Variants in GABRB1 observed in about 807,000 individuals in gnomAD.
GABRB1 encodes the protein gamma-aminobutyric acid receptor subunit beta-1.
Under a neutral mutation model 51.6 loss-of-function variants are expected in GABRB1, and 17 were observed. The ratio of observed to expected loss-of-function variants is 0.33; its 90% CI spans 0.23 to 0.49. The LOEUF (loss-of-function observed/expected upper bound fraction) is 0.49. Among genes scored for constraint, GABRB1 ranks in the 20% least tolerant of loss-of-function variants. GABRB1 has a pLI of 0.99. For missense variants in GABRB1, 410 were observed against 600.6 expected (o/e 0.68, Z 3.32); for synonymous variants, 247 against 218.9 (o/e 1.13, Z -1.14).
At chr4:47,070,967 CAT>C (rs1560520458) in intron 3 of GABRB1, among the ~76,000 whole-genome samples, 1 of 152,174 alleles carries the variant, frequency 6.6e-6, no homozygotes, top group Non-Finnish European at 1.5e-5. Flanking sequence ...TCAAATTTAA[CAT>C]ATCCAAACAA....
At chr4:47,368,310 A>G (rs750046489) in intron 5 of GABRB1, among the ~76,000 whole-genome samples, 14 of 152,232 alleles carry the variant, frequency 9.2e-5, no homozygotes, top group Non-Finnish European at 1.6e-4. Flanking sequence ...TCTACTCCCC[A>G]ACACCCATGG....
At chr4:47,312,122 A>G (rs1284143540) in intron 4 of GABRB1, among the ~76,000 whole-genome samples, 1 of 151,984 alleles carries the variant, frequency 6.6e-6, no homozygotes, top group Non-Finnish European at 1.5e-5. Flanking sequence ...TTGAGTAAAT[A>G]CAGAAAATGT....
intron 5 of GABRB1, among the ~76,000 whole-genome samples, chr4:47,387,245 T>A (rs1006869818): frequency 6.6e-6 from 1 of 152,184 alleles, no homozygotes; most frequent in Non-Finnish European, 1.5e-5. Flanking sequence ...GTGGATCACC[T>A]GAGGTCAGAA....
At chr4:47,027,125 G>A (rs1253323868), upstream of GABRB1, among the ~76,000 whole-genome samples, 8 of 151,618 alleles carry the variant, frequency 5.3e-5, no homozygotes, top group East Asian at 5.8e-4. Context: ...TTTAATAAAA[G>A]TAATGGCTTA....
chr4:47,010,148 C>T (rs1267391831), intron 1 of GABRB1, among the ~76,000 whole-genome samples: 2 of 152,306 alleles, frequency 1.3e-5, no homozygotes, highest in East Asian at 1.9e-4. Flanking sequence ...CAATGAGTGG[C>T]ACACACTGTC....
At chr4:47,329,886 A>T (rs190181570) in intron 5 of GABRB1, among the ~76,000 whole-genome samples, 12 of 152,134 alleles carry the variant, frequency 7.9e-5, no homozygotes, top group Admixed American at 7.9e-4. Context: ...AGACAGATTT[A>T]TTATAAGGAA....
intron 8 of GABRB1, among the ~76,000 whole-genome samples, chr4:47,419,441 C>T (rs939762189): frequency 1.3e-5 from 2 of 152,124 alleles, no homozygotes; most frequent in Admixed American, 6.5e-5. Flanking sequence ...AGGTGGACAT[C>T]GTGGTTGCAA....
chr4:47,042,414 GTATA>G lies in GABRB1; in HGVS notation c.240+9953_240+9956del, dbSNP rs764850015. Among the ~76,000 whole-genome samples the G allele has an allele frequency of 7.1e-3, 333 of 47,006 alleles. 1 individual carries two copies. The highest frequency in any genetic ancestry group is 0.015 in the African/African-American group (246 of 16,452). 30.8% of individuals were successfully genotyped at this position (47,006 alleles called of 152,430 possible). A position where few individuals can be genotyped will look rare whatever the true frequency, so the allele number is the denominator to read the frequency against. On this transcript the variant is annotated intron_variant, in intron 3 of 8. Transcript: ENST00000295454. ...GTGTACATGTATGTGTATGTGTACA[GTATA>G]TATATATATATATATATATATAAAA...
intron 5 of GABRB1, among the ~76,000 whole-genome samples, chr4:47,379,778 T>C (rs2110027939): frequency 6.6e-6 from 1 of 152,292 alleles, no homozygotes; most frequent in South Asian, 2.1e-4. Flanking sequence ...TATGAATTAG[T>C]AATATGAAAT....
At chr4:47,284,298 G>A (rs1477231152) in intron 4 of GABRB1, among the ~76,000 whole-genome samples, 1 of 151,992 alleles carries the variant, frequency 6.6e-6, no homozygotes, top group African/African-American at 2.4e-5. Context: ...AGTAAGACAA[G>A]CATGTAAAGA....
intron 4 of GABRB1, among the ~76,000 whole-genome samples, chr4:47,165,088 G>A (rs941945954): frequency 1.3e-5 from 2 of 152,024 alleles, no homozygotes; most frequent in African/African-American, 4.8e-5. Flanking sequence ...CATTTACCTT[G>A]GTCTTTTCAG....
chr4:47,256,603 T>C (rs1046151148), intron 4 of GABRB1, among the ~76,000 whole-genome samples: 1 of 152,164 alleles, frequency 6.6e-6, no homozygotes, highest in Non-Finnish European at 1.5e-5. Context: ...ACAGGTAGCA[T>C]GGCTAGGGAG....
chr4:47,392,026 C>G (rs961203369), intron 5 of GABRB1, among the ~76,000 whole-genome samples: 3 of 151,062 alleles, frequency 2.0e-5, no homozygotes. Flanking sequence ...AGAAACCACT[C>G]AAGATTTTTC....
chr4:47,136,741 C>T (rs994355657), intron 3 of GABRB1, among the ~76,000 whole-genome samples: 1 of 151,978 alleles, frequency 6.6e-6, no homozygotes, highest in Non-Finnish European at 1.5e-5. Flanking sequence ...TCTGGGTTTC[C>T]ACATAGCAGT....
chr4:47,122,616 C>G (rs1715826494), intron 3 of GABRB1, among the ~76,000 whole-genome samples: 2 of 45,732 alleles, frequency 4.4e-5, no homozygotes. Context: ...AACTGAAACT[C>G]CAGTCTCAAA....
chr4:47,161,745 T>C (rs139006760), intron 4 of GABRB1, among the ~76,000 whole-genome samples: 15 of 152,194 alleles, frequency 9.9e-5, no homozygotes, highest in African/African-American at 3.4e-4. Context: ...TCTTTATTCT[T>C]TGGTGTCACC....
intron 5 of GABRB1, among the ~76,000 whole-genome samples, chr4:47,374,147 C>T (rs562119716): frequency 1.5e-3 from 230 of 152,306 alleles, no homozygotes; most frequent in African/African-American, 5.1e-3. Flanking sequence ...CTCTGGTTCC[C>T]GCAAGGTATA....
intron 4 of GABRB1, among the ~76,000 whole-genome samples, chr4:47,293,408 G>A (rs1437244346): frequency 1.3e-5 from 2 of 152,048 alleles, no homozygotes; most frequent in Non-Finnish European, 2.9e-5. Context: ...CAAAGTGCTG[G>A]GATTACAGGC....
intron 7 of GABRB1, among the ~76,000 whole-genome samples, chr4:47,405,438 G>T (rs1352345729): frequency 6.6e-6 from 1 of 151,914 alleles, no homozygotes. Flanking sequence ...TATACTTTCT[G>T]ACTTTATTTT....
Sources: allele counts gnomAD v4.1 joint callset (sites outside exome capture counted in the v4.1 genomes callset), GRCh38; gene constraint gnomAD v4.1.1; transcripts MANE v1.5; gene names NCBI Gene and HGNC (gene_info 2026-07-23, HGNC 2026-07-21).